DNAH12: variants seen among roughly 807,000 people sequenced by gnomAD.
The protein encoded by DNAH12 is axonemal beta dynein heavy chain 12.
DNAH12 carries 285 observed loss-of-function variants against 371.5 expected under a neutral mutation model. The ratio of observed to expected loss-of-function variants is 0.77; its 90% CI spans 0.70 to 0.85. The LOEUF (loss-of-function observed/expected upper bound fraction) is 0.85. Among genes scored for constraint, DNAH12 ranks in the 40% least tolerant of loss-of-function variants. The pLI is 0.00. For missense variants in DNAH12, 3,611 were observed against 3,689.4 expected (o/e 0.98, Z 0.55); for synonymous variants, 1,200 against 1,213.0 (o/e 0.99, Z 0.22).
intron 36 of DNAH12, among the ~76,000 whole-genome samples, chr3:57,420,194 C>T (rs1453533806): frequency 6.6e-6 from 1 of 152,090 alleles, no homozygotes; most frequent in Non-Finnish European, 1.5e-5. Context: ...TTCACTCCAC[C>T]CCCAACCATT....
intron 13 of DNAH12, among the ~76,000 whole-genome samples, chr3:57,478,680 T>C (rs866389427): frequency 1.3e-5 from 2 of 152,114 alleles, no homozygotes; most frequent in Middle Eastern, 6.8e-3. Flanking sequence ...GAGAGAAAGG[T>C]TGGGTTACCA....
intron 13 of DNAH12, among the ~76,000 whole-genome samples, chr3:57,476,564 A>AAAAAAATAAAAAAT (rs3039061): frequency 2.0e-5 from 3 of 150,048 alleles, no homozygotes; most frequent in Non-Finnish European, 4.4e-5. Flanking sequence ...ACTCTGTCTC[A>AAAAAAATAAAAAAT]AAAAAATAAA....
intron 65 of DNAH12, among the ~76,000 whole-genome samples, chr3:57,321,734 A>G (rs1205094955): frequency 1.3e-5 from 2 of 152,144 alleles, no homozygotes; most frequent in East Asian, 1.9e-4. Flanking sequence ...AATCTAGCCT[A>G]TATCAATAAT....
At chr3:57,381,871 A>AT (rs1319701297) in intron 50 of DNAH12, among the ~76,000 whole-genome samples, 42,399 of 127,956 alleles carry the variant, frequency 0.33, 6,078 homozygotes, top group East Asian at 0.46. Context: ...AACCATATAT[A>AT]TATATTTTTT....
At position 57,413,793 on chromosome 3, in the gene DNAH12, A is replaced by G. The variant is rs1553683760; in HGVS notation, c.5973T>C (p.Ala1991=). 3.9e-6 allele frequency: 6 copies of G among 1,551,204 alleles called. No homozygotes were observed. The highest frequency in any genetic ancestry group is 5.2e-6 in the Non-Finnish European group (6 of 1,146,758). The change falls in exon 39 of 74, where the codon GCT becomes GCC. Residue 1991 remains alanine, a synonymous_variant. Transcript: ENST00000495027. ...MNMPALEKYG[A]QPPIELLRQF... Reference sequence around the variant, plus strand: ...GTCGTAATAATTCAATAGGTGGTTGAGCTCCATACTTCTCCAATGCAGGCA... The same window carrying G: ...GTCGTAATAATTCAATAGGTGGTTGGGCTCCATACTTCTCCAATGCAGGCA...
intron 2 of DNAH12, among the ~76,000 whole-genome samples, chr3:57,536,612 G>T (rs1391600371): frequency 6.6e-6 from 1 of 152,108 alleles, no homozygotes; most frequent in Non-Finnish European, 1.5e-5. Flanking sequence ...TCTTCAAGAC[G>T]TTGGCCAGGC....
chr3:57,304,048 A>C (rs2061418059), intron 69 of DNAH12, among the ~76,000 whole-genome samples: 1 of 142,526 alleles, frequency 7.0e-6, no homozygotes. Context: ...CCCACTGAGC[A>C]CCTTGTGACC....
chr3:57,533,128 T>A (rs980541470), intron 2 of DNAH12, among the ~76,000 whole-genome samples: 2 of 152,126 alleles, frequency 1.3e-5, no homozygotes, highest in African/African-American at 4.8e-5. Context: ...CACAGGCCCA[T>A]ATGGATCACT....
Position 57,472,691 on chromosome 3 carries a change from T to C in DNAH12, c.1651-20A>G. On this transcript the variant is annotated intron_variant, in intron 13 of 73. Transcript: ENST00000495027. Reference sequence around the variant, plus strand: ...AGATTCCTACAAAAGAAACTCTGGATATAATATGTCATATAGAAAATCTAC... The same window carrying C: ...AGATTCCTACAAAAGAAACTCTGGACATAATATGTCATATAGAAAATCTAC... 1.3e-6 allele frequency: 2 copies of C among 1,544,252 alleles called. No homozygotes were observed. The highest frequency in any genetic ancestry group is 1.7e-6 in the Non-Finnish European group (2 of 1,143,544).
intron 4 of DNAH12, chr3:57,520,011 G>A: frequency 1.3e-6 from 1 of 784,732 alleles, no homozygotes; most frequent in Non-Finnish European, 2.2e-6. Context: ...CGTCGGCCAT[G>A]GTAGCGCCGC....
rs1184140918 is a variant in DNAH12 at position 57,458,099 on chromosome 3, C to T, written c.3053G>A (p.Arg1018His). Residue 1018 changes from arginine to histidine, a missense_variant and splice_region_variant, in exon 21 of 74, where the codon CGT becomes CAT. Arg to His is a conservative substitution (Grantham distance 29, BLOSUM62 0). Transcript: ENST00000495027. ...YLEKKRLFFP[R>H]FFFLSNDEML... ...CAGCACAATTGATTATTTATCATAC[C>T]GAGGGAAGAAAAGACGTTTCTTTTC... The T allele has an allele frequency of 5.8e-6, 9 of 1,543,630 alleles. No homozygotes were observed. The highest frequency in any genetic ancestry group is 4.1e-5 in the African/African-American group (3 of 72,412).
chr3:57,366,365 T>A (rs964491163), intron 57 of DNAH12, among the ~76,000 whole-genome samples: 1 of 152,166 alleles, frequency 6.6e-6, no homozygotes, highest in Non-Finnish European at 1.5e-5. Flanking sequence ...GGCTGCTCTA[T>A]GGAGCAGCCA....
chr3:57,399,477 A>T (rs1481323529), intron 43 of DNAH12, among the ~76,000 whole-genome samples: 2 of 152,252 alleles, frequency 1.3e-5, no homozygotes, highest in African/African-American at 4.8e-5. Flanking sequence ...ATGGAAAAAG[A>T]TATACCAGCC....
rs1453158870 is a variant in DNAH12 at position 57,296,706 on chromosome 3, T to A, written c.11532+141A>T. The A allele has an allele frequency of 3.7e-6, 4 of 1,073,194 alleles. No homozygotes were observed. The East Asian group carries it at 1.0e-4, about 28-fold the overall frequency. The allele number at this position is 1,073,194 out of a possible 1,614,324, so 66.5% of individuals were successfully genotyped here. ...AATCAAATATTGCAATATATAAAAG[T>A]TCTAAGGGATAGCAAGACAAATATT... is the stretch of plus-strand genomic sequence containing the variant. On this transcript the variant is annotated intron_variant, in intron 71 of 73. Transcript: ENST00000495027.
intron 47 of DNAH12, 90 bp from the exon 48 acceptor site, chr3:57,385,519 A>G (rs2063482466): frequency 6.6e-6 from 1 of 152,248 alleles, no homozygotes. Context: ...AAATGTATCC[A>G]TAAAAGTATT....
At chr3:57,419,021 A>G (rs771584075) in intron 37 of DNAH12, among the ~76,000 whole-genome samples, 2 of 152,198 alleles carry the variant, frequency 1.3e-5, no homozygotes, top group African/African-American at 2.4e-5. Flanking sequence ...GAGAATGTGG[A>G]TCATGGTTAC....
At chr3:57,499,430 G>C (rs1279408389) in intron 11 of DNAH12, among the ~76,000 whole-genome samples, 6 of 150,712 alleles carry the variant, frequency 4.0e-5, no homozygotes, top group Non-Finnish European at 8.9e-5. Flanking sequence ...ATTTTTAAAA[G>C]GGATGGAATG....
rs367738296 is a variant in DNAH12, at chr3:57,334,527, T to C, written c.9916A>G (p.Met3306Val). 20 of 1,551,116 alleles carry C rather than the reference T, an allele frequency of 1.3e-5. No homozygotes were observed. Among genetic ancestry groups the C allele is most frequent in the African/African-American group, 6.8e-5 (5 of 73,166 alleles). Residue 3306 changes from methionine (M) to valine (V), a missense_variant, in exon 62 of 74, where the codon ATG (methionine) becomes GTG (valine). Met to Val is a conservative substitution (Grantham distance 21). Transcript: ENST00000495027. ...EPHNAKFPAP[M>V]DKNLNELQKI... The stretch of plus-strand genomic sequence containing the variant: ...TGTAGTTCATTTAGGTTCTTATCCA[T>C]TGGTGCTGGAAATTTAGCATTATGT...
intron 64 of DNAH12, 120 bp downstream of exon 64, chr3:57,322,887 G>T: frequency 1.5e-6 from 2 of 1,367,110 alleles, no homozygotes; most frequent in Non-Finnish European, 1.9e-6. Flanking sequence ...CCGAAATTGC[G>T]CCACTGCACT....
Sources: allele counts gnomAD v4.1 joint callset (sites outside exome capture counted in the v4.1 genomes callset), GRCh38; gene constraint gnomAD v4.1.1; transcripts MANE v1.5; gene names NCBI Gene and HGNC (gene_info 2026-07-23, HGNC 2026-07-21).